The following CLEC16A variants were observed in gnomAD, a reference collection of about 807,000 sequenced individuals.
CLEC16A encodes protein CLEC16A.
In CLEC16A, 51 loss-of-function variants were observed where a neutral mutation model predicts 109.5. That is an observed-to-expected ratio of 0.47 (90% confidence interval 0.37 to 0.59). The LOEUF (loss-of-function observed/expected upper bound fraction) is 0.59, where lower values mean the gene tolerates loss of function less well. Among genes scored for constraint, CLEC16A ranks in the 20% least tolerant of loss-of-function variants. The pLI, the probability that CLEC16A is intolerant of heterozygous loss-of-function variation, is 0.00. For missense variants in CLEC16A, 1,339 were observed against 1,394.0 expected (o/e 0.96, Z 0.63); for synonymous variants, 673 against 564.2 (o/e 1.19, Z -2.73).
At position 11,166,318 on chromosome 16, in the gene CLEC16A, G is replaced by A. The variant is rs143423555; in HGVS notation, c.2642-70G>A. On this transcript the variant is annotated intron_variant, in intron 22 of 23. Coordinates refer to ENST00000409790, the MANE Select transcript of CLEC16A (RefSeq NM_015226.3). ...GGAACTGAGGTTGGGTTGTTCAGTG[G>A]AACCATGACATTGAGGCCCTCAGGC... The A allele has an allele frequency of 1.8e-3, 2,682 of 1,489,172 alleles. 55 individuals are homozygous for A. The African/African-American group carries it at 0.033, about 19-fold the overall frequency. 92.2% of individuals were successfully genotyped at this position (1,489,172 alleles called of 1,614,324 possible).
chr16:11,171,865 C>T (rs752091127), intron 23 of CLEC16A, among the ~76,000 whole-genome samples: 10 of 152,252 alleles, frequency 6.6e-5, no homozygotes, highest in Middle Eastern at 6.8e-3. Context: ...CACACACATG[C>T]CAGGGCACAT....
In CLEC16A at chr16:11,174,137, CTG is replaced by C. The variant is rs1567420970; in HGVS notation, c.2807-4194_2807-4193del. 2 of 468,638 alleles carry C rather than the reference CTG, an allele frequency of 4.3e-6. No homozygotes were observed. The highest frequency in any genetic ancestry group is 8.9e-6 in the Non-Finnish European group (2 of 225,626). 29.0% of individuals were successfully genotyped at this position (468,638 alleles called of 1,614,324 possible). On this transcript the variant is annotated intron_variant, in intron 23 of 23. Coordinates refer to ENST00000409790, the MANE Select transcript of CLEC16A (RefSeq NM_015226.3). The surrounding 1 kb of genome is among the most constrained non-coding windows in gnomAD (Gnocchi z 4.7). ...GTTAAAGGCTTTCTATGATCTGTCG[CTG>C]TGTTTTCCCTCTAGTCAGGAGTGGC...
At chr16:11,139,399 A>G (rs2053719403) in intron 22 of CLEC16A, among the ~76,000 whole-genome samples, 1 of 152,258 alleles carries the variant, frequency 6.6e-6, no homozygotes, top group Admixed American at 6.5e-5. Flanking sequence ...GCAGCTGTCC[A>G]GCCATGGCAT....
chr16:11,132,120 C>A (rs969274927), intron 22 of CLEC16A, among the ~76,000 whole-genome samples: 11 of 152,158 alleles, frequency 7.2e-5, no homozygotes, highest in African/African-American at 2.4e-4. Context: ...GTGAACAATT[C>A]AGTGGCATTT....
At chr16:11,067,215 AAAG>A (rs1342136431) in intron 19 of CLEC16A, among the ~76,000 whole-genome samples, 3 of 147,870 alleles carry the variant, frequency 2.0e-5, no homozygotes, top group Non-Finnish European at 4.5e-5. Flanking sequence ...TTTTTTAAAA[AAAG>A]CAAGTGCAGA....
intron 19 of CLEC16A, among the ~76,000 whole-genome samples, chr16:11,087,338 G>T (rs766152605): frequency 1.3e-5 from 2 of 152,102 alleles, no homozygotes. Flanking sequence ...CCACTCTCAC[G>T]TCCAGGAGGA....
intron 3 of CLEC16A, among the ~76,000 whole-genome samples, chr16:10,963,130 G>T (rs1036883155): frequency 1.3e-5 from 2 of 152,138 alleles, no homozygotes; most frequent in Non-Finnish European, 2.9e-5. Flanking sequence ...TCTCTTCCTG[G>T]CTTGCAGACG....
intron 19 of CLEC16A, among the ~76,000 whole-genome samples, chr16:11,113,960 T>G (rs36110069): frequency 0.17 from 26,139 of 152,260 alleles, 2,856 homozygotes; most frequent in South Asian, 0.24. Flanking sequence ...TGCTAATTTG[T>G]CCTTCAAAAC....
intron 22 of CLEC16A, chr16:11,156,929 A>ACCCCCCCCCCCCC: frequency 1.7e-5 from 1 of 57,366 alleles, no homozygotes; most frequent in Non-Finnish European, 3.4e-5. Context: ...CCCCCCCCCC[A>ACCCCCCCCCCCCC]CCCACCCCCT....
At chr16:11,083,204 C>A (rs2049829985) in intron 19 of CLEC16A, among the ~76,000 whole-genome samples, 1 of 152,040 alleles carries the variant, frequency 6.6e-6, no homozygotes, top group Non-Finnish European at 1.5e-5. Flanking sequence ...GCTCTGTTGC[C>A]CAGGCTGGAG....
At chr16:11,111,140 TG>T (rs2051558967) in intron 19 of CLEC16A, among the ~76,000 whole-genome samples, 2 of 152,232 alleles carry the variant, frequency 1.3e-5, no homozygotes, top group Admixed American at 6.5e-5. Context: ...TAGATGTGCC[TG>T]GATGTAGCAC....
chr16:11,037,471 A>G (rs943221450), intron 13 of CLEC16A, among the ~76,000 whole-genome samples: 1 of 152,228 alleles, frequency 6.6e-6, no homozygotes, highest in African/African-American at 2.4e-5. Flanking sequence ...GAGAGTTGAG[A>G]AAAGTCGAGA....
chr16:10,977,773 C>T (rs1363272965), intron 8 of CLEC16A, among the ~76,000 whole-genome samples: 3 of 152,184 alleles, frequency 2.0e-5, no homozygotes, highest in African/African-American at 7.2e-5. Flanking sequence ...CTGCCTGGGC[C>T]TTCCAAAGTG....
rs942942583 is a variant in CLEC16A at position 11,181,704 on chromosome 16, C to T, written c.*3014C>T. 3 of 152,398 alleles carry T rather than the reference C, an allele frequency of 2.0e-5. No homozygotes were observed. The highest frequency in any genetic ancestry group is 4.4e-5 in the Non-Finnish European group (3 of 68,072). The allele number at this position is 152,398 out of a possible 1,614,324, so 9.4% of individuals were successfully genotyped here. A position where few individuals can be genotyped will look rare whatever the true frequency, so the allele number is the denominator to read the frequency against. On this transcript the variant is annotated 3_prime_UTR_variant, in exon 24 of 24. Transcript: ENST00000409790. ...CCTCCGTGAGCAGCCCCTCCTCTGC[C>T]GCTGTCCCAGCCCAGTCCCTCTCCC...
intron 5 of CLEC16A, 76 bp from the exon 6 acceptor site, chr16:10,972,478 C>T: frequency 7.1e-7 from 1 of 1,404,230 alleles, no homozygotes; most frequent in Non-Finnish European, 1.0e-6. Context: ...TCTCACCTTC[C>T]CAGGTCCTAA....
intron 19 of CLEC16A, chr16:11,071,114 A>G (rs534806530): frequency 6.6e-6 from 1 of 152,296 alleles, no homozygotes; most frequent in South Asian, 2.1e-4. Context: ...TTCCAGCAAA[A>G]GTATTATGAA....
chr16:11,013,163 G>A (rs1489699841), intron 11 of CLEC16A, among the ~76,000 whole-genome samples: 1 of 152,170 alleles, frequency 6.6e-6, no homozygotes, highest in Non-Finnish European at 1.5e-5. Context: ...GACGGTGGCC[G>A]GGACTGGGAA....
intron 22 of CLEC16A, among the ~76,000 whole-genome samples, chr16:11,163,037 T>A (rs2054780329): frequency 6.6e-6 from 1 of 152,224 alleles, no homozygotes; most frequent in Non-Finnish European, 1.5e-5. Context: ...TGTCGCACGA[T>A]CTCTGGCTTG....
intron 21 of CLEC16A, among the ~76,000 whole-genome samples, chr16:11,124,873 G>A (rs1485201589): frequency 2.6e-5 from 4 of 152,250 alleles, no homozygotes; most frequent in African/African-American, 4.8e-5. Context: ...ACTCACTTGC[G>A]CCCAGGAATT....
Sources: allele counts gnomAD v4.1 joint callset (sites outside exome capture counted in the v4.1 genomes callset), GRCh38; gene constraint gnomAD v4.1.1; non-coding constraint Gnocchi (gnomAD v3.1); transcripts MANE v1.5; gene names NCBI Gene and HGNC (gene_info 2026-07-23, HGNC 2026-07-21).